BLTP1: variants seen among roughly 807,000 people sequenced by gnomAD.
BLTP1 encodes bridge-like lipid transfer protein family member 1.
the BLTP1 span, among the ~76,000 whole-genome samples, chr4:122,265,182 G>A: frequency 1.3e-5 from 2 of 152,098 alleles, no homozygotes; most frequent in South Asian, 2.1e-4. Context: ...CCTCTGATCC[G>A]CCACCCAGGA....
the BLTP1 span, chr4:122,277,752 G>A: frequency 1.0e-6 from 1 of 979,192 alleles, no homozygotes; most frequent in Non-Finnish European, 1.2e-6. Flanking sequence ...TAACATAGTG[G>A]ATGATTGTTA....
At chr4:122,218,527 C>T in the BLTP1 span, among the ~76,000 whole-genome samples, 1 of 152,194 alleles carries the variant, frequency 6.6e-6, no homozygotes, top group Non-Finnish European at 1.5e-5. Context: ...ATGTCCATAA[C>T]TCTAGTCAGA....
chr4:122,226,377 G>A, the BLTP1 span: 21 of 1,014,238 alleles, frequency 2.1e-5, no homozygotes, highest in Non-Finnish European at 2.5e-5. Context: ...TTTCTATGTG[G>A]AGATTTCAGT....
the BLTP1 span, among the ~76,000 whole-genome samples, chr4:122,157,275 G>A: frequency 1.6e-4 from 25 of 152,130 alleles, no homozygotes; most frequent in African/African-American, 5.8e-4. Context: ...ACTAAACTGG[G>A]TGCTTCTGGC....
At chr4:122,316,561 T>A in the BLTP1 span, 1 of 867,628 alleles carries the variant, frequency 1.2e-6, no homozygotes, top group East Asian at 3.3e-5. Context: ...AGGTAGCAAC[T>A]AAATAGATTC....
the BLTP1 span, chr4:122,180,208 T>G: frequency 8.1e-6 from 8 of 983,656 alleles, no homozygotes; most frequent in Non-Finnish European, 9.7e-6. Flanking sequence ...TATTGTGACT[T>G]AAGGCAAGAA....
At chr4:122,189,181 G>T in the BLTP1 span, 48 of 791,080 alleles carry the variant, frequency 6.1e-5, no homozygotes, top group Non-Finnish European at 7.0e-5. Context: ...CTTAAGTGTG[G>T]AGATTACATG....
the BLTP1 span, chr4:122,199,935 G>T: frequency 1.9e-5 from 19 of 977,722 alleles, no homozygotes; most frequent in African/African-American, 3.2e-4. Flanking sequence ...AAATGCCCAT[G>T]ATTAAAATTG....
At chr4:122,247,906 T>G in the BLTP1 span, 1 of 979,630 alleles carries the variant, frequency 1.0e-6, no homozygotes, top group Non-Finnish European at 1.2e-6. Context: ...TGCTTAAATG[T>G]TTTCAGAATG....
At chr4:122,200,439 G>T in the BLTP1 span, 1 of 529,516 alleles carries the variant, frequency 1.9e-6, no homozygotes, top group Non-Finnish European at 2.4e-6. Context: ...TTAGCCAGGT[G>T]TGATGGCGCG....
At chr4:122,284,025 C>T in the BLTP1 span, among the ~76,000 whole-genome samples, 5 of 152,136 alleles carry the variant, frequency 3.3e-5, no homozygotes, top group African/African-American at 4.8e-5. Context: ...GGTTTTTGTG[C>T]GTCTTTTACA....
At chr4:122,250,426 A>G in the BLTP1 span, 5 of 1,613,870 alleles carry the variant, frequency 3.1e-6, no homozygotes, top group Non-Finnish European at 4.2e-6. Context: ...CTAGTGACAC[A>G]GAAAGGGGTG....
chr4:122,329,209 T>A, the BLTP1 span, among the ~76,000 whole-genome samples: 1 of 151,770 alleles, frequency 6.6e-6, no homozygotes, highest in East Asian at 1.9e-4. Flanking sequence ...GTAGCTTTAC[T>A]ATTTTTGTGT....
chr4:122,314,039 G>A, the BLTP1 span: 15,003 of 959,602 alleles, frequency 0.016, 626 homozygotes, highest in African/African-American at 0.14. Context: ...ATAAAATTCC[G>A]GTTGCTATTG....
At chr4:122,320,116 T>C in the BLTP1 span, among the ~76,000 whole-genome samples, 1 of 152,256 alleles carries the variant, frequency 6.6e-6, no homozygotes, top group South Asian at 2.1e-4. Flanking sequence ...TCCTTGCATT[T>C]CTCTTAGTTT....
chr4:122,333,704 T>C, the BLTP1 span: 1 of 1,612,154 alleles, frequency 6.2e-7, no homozygotes, highest in African/African-American at 1.3e-5. Flanking sequence ...CTAATTATGC[T>C]TCTACCACCC....
chr4:122,177,376 G>A, the BLTP1 span, among the ~76,000 whole-genome samples: 1 of 152,074 alleles, frequency 6.6e-6, no homozygotes, highest in Non-Finnish European at 1.5e-5. Flanking sequence ...CTCTTAACTA[G>A]TCTCCCTGCT....
At chr4:122,295,046 A>G in the BLTP1 span, among the ~76,000 whole-genome samples, 9 of 152,206 alleles carry the variant, frequency 5.9e-5, no homozygotes, top group Non-Finnish European at 1.3e-4. Context: ...CTGAAATAAG[A>G]CAGGCAGAAA....
At chr4:122,307,793 T>C in the BLTP1 span, 1 of 985,024 alleles carries the variant, frequency 1.0e-6, no homozygotes, top group Admixed American at 6.2e-5. Context: ...ATGGTGACTA[T>C]ATGTCCTCTT....
Sources: allele counts gnomAD v4.1 joint callset (sites outside exome capture counted in the v4.1 genomes callset), GRCh38; gene constraint gnomAD v4.1.1; transcripts MANE v1.5; gene names NCBI Gene and HGNC (gene_info 2026-07-23, HGNC 2026-07-21).